The following PPM1B variants were observed in gnomAD, a reference collection of about 807,000 sequenced individuals.
PPM1B encodes the protein protein phosphatase 1B.
A neutral mutation model predicts 43.0 loss-of-function variants in PPM1B; 22 were observed. The observed-to-expected ratio is 0.51, with a 90% CI of 0.37 to 0.73. The LOEUF is 0.73. Among genes scored for constraint, PPM1B ranks in the 30% least tolerant of loss-of-function variants. The pLI is 0.00. For synonymous variants in PPM1B, 217 were observed against 197.9 expected (o/e 1.10, Z -0.81); for missense variants, 632 against 584.2 (o/e 1.08, Z -0.84).
At chr2:44,246,896 T>C (rs1327203786), downstream of PPM1B, among the ~76,000 whole-genome samples, 1 of 152,192 alleles carries the variant, frequency 6.6e-6, no homozygotes, top group Non-Finnish European at 1.5e-5. Context: ...TCTGTATGTA[T>C]GTTATACTTC....
Position 44,239,901 on chromosome 2 carries a change from T to TG in PPM1B, n.1547-4327_1547-4326insG, listed in dbSNP as rs544441326. ...GTTTTTTTGTTTTTGTTTTTGTTTTTTTTTTTTGTCTAACCCTGTGGAAAT... is the reference window on the plus strand; with the variant it reads ...GTTTTTTTGTTTTTGTTTTTGTTTTTGTTTTTTTGTCTAACCCTGTGGAAAT... On this transcript the variant is annotated intron_variant and non_coding_transcript_variant, in intron 5 of 5. Coordinates refer to the PPM1B transcript ENST00000378540. Among the ~76,000 whole-genome samples the TG allele has an allele frequency of 3.6e-3, 545 of 151,788 alleles. 7 individuals are homozygous for TG. In the Middle Eastern group the frequency reaches 0.037, roughly 10 times the overall value.
chr2:44,219,542 A>G (rs1181751139), intron 5 of PPM1B, among the ~76,000 whole-genome samples: 1 of 152,216 alleles, frequency 6.6e-6, no homozygotes, highest in African/African-American at 2.4e-5. Flanking sequence ...ATATAATTTT[A>G]GTGAGTCATA....
intron 1 of PPM1B, among the ~76,000 whole-genome samples, chr2:44,181,392 G>A (rs1667867741): frequency 6.6e-6 from 1 of 152,316 alleles, no homozygotes; most frequent in East Asian, 1.9e-4. Context: ...TTCTTGATAA[G>A]GGTGTAAAAA....
At chr2:44,189,141 G>T (rs1173349453) in intron 1 of PPM1B, among the ~76,000 whole-genome samples, 2 of 152,086 alleles carry the variant, frequency 1.3e-5, no homozygotes, top group East Asian at 3.9e-4. Context: ...CAAAGTGGTG[G>T]GATTACAGGT....
At chr2:44,204,228 T>A (rs1311447064) in intron 2 of PPM1B, among the ~76,000 whole-genome samples, 1 of 152,248 alleles carries the variant, frequency 6.6e-6, no homozygotes. Flanking sequence ...TTTAACTTCG[T>A]AATTTTGTCT....
At chr2:44,240,488 A>G (rs1670721396) in intron 5 of PPM1B, among the ~76,000 whole-genome samples, 1 of 145,386 alleles carries the variant, frequency 6.9e-6, no homozygotes, top group Non-Finnish European at 1.5e-5. Flanking sequence ...AGCAGAGAGT[A>G]GATTCTGTCT....
intron 1 of PPM1B, among the ~76,000 whole-genome samples, chr2:44,188,420 G>A (rs1668233584): frequency 7.0e-6 from 1 of 142,956 alleles, no homozygotes; most frequent in Non-Finnish European, 1.5e-5. Context: ...TTTTGAGACA[G>A]GGTCTTGCTT....
rs151300757 is a variant in PPM1B, at chr2:44,176,737, G to A, written c.-15+7463G>A. Among the ~76,000 whole-genome samples the A allele has an allele frequency of 1.3e-3, 205 of 152,238 alleles. 3 individuals carry two copies. The highest frequency in any genetic ancestry group is 4.6e-3 in the African/African-American group (193 of 41,558). On this transcript the variant is annotated intron_variant, in intron 1 of 5. Transcript: ENST00000282412. ...TTATTTTAATGCTTGGTGGTCTTGTGCTTTCATTTATGAGTCAGTTTCATT... is the reference window on the plus strand; with the variant it reads ...TTATTTTAATGCTTGGTGGTCTTGTACTTTCATTTATGAGTCAGTTTCATT...
At chr2:44,230,060 A>G (rs1377753671) in intron 5 of PPM1B, 11 of 1,557,330 alleles carry the variant, frequency 7.1e-6, no homozygotes, top group African/African-American at 1.4e-5. Context: ...TTAAACATTG[A>G]TTTTCTTTTG....
intron 3 of PPM1B, among the ~76,000 whole-genome samples, chr2:44,210,714 T>A (rs1047748935): frequency 1.3e-5 from 2 of 152,124 alleles, no homozygotes; most frequent in African/African-American, 4.8e-5. Flanking sequence ...TCTCCTCTTA[T>A]TCCCCTGCCC....
downstream of PPM1B, among the ~76,000 whole-genome samples, chr2:44,236,002 C>T (rs931810511): frequency 2.0e-5 from 3 of 152,024 alleles, no homozygotes; most frequent in Non-Finnish European, 4.4e-5. Context: ...AGCTGCTTCA[C>T]CGTTAGTTTA....
chr2:44,185,958 A>G (rs1405348692), intron 1 of PPM1B, among the ~76,000 whole-genome samples: 1 of 152,178 alleles, frequency 6.6e-6, no homozygotes, highest in African/African-American at 2.4e-5. Context: ...TTTAATTCTG[A>G]TGATACTAAG....
At chr2:44,196,099 C>A (rs1424457545) in intron 1 of PPM1B, among the ~76,000 whole-genome samples, 1 of 152,196 alleles carries the variant, frequency 6.6e-6, no homozygotes, top group East Asian at 1.9e-4. Context: ...AATACTGATA[C>A]ATTGTTAACT....
At chr2:44,228,052 A>G (rs1024181597) in intron 5 of PPM1B, among the ~76,000 whole-genome samples, 1 of 150,334 alleles carries the variant, frequency 6.7e-6, no homozygotes, top group Non-Finnish European at 1.5e-5. Context: ...CTCCCGGAGT[A>G]GCTGGGATTG....
rs75441440 is a variant in PPM1B, at chr2:44,229,515, A to T, written c.1135-898A>T. Among the ~76,000 whole-genome samples, 551 of 152,246 alleles carry T rather than the reference A, an allele frequency of 3.6e-3. 3 individuals carry two copies. The highest frequency in any genetic ancestry group is 0.013 in the African/African-American group (533 of 41,564). ...GCCAGTTTTTTACAATACGTCCTGC[A>T]TTCTGAATTCATATGATTGTTTTCT... On this transcript the variant is annotated intron_variant, in intron 5 of 5. Transcript: ENST00000282412.
chr2:44,199,647 C>T (rs911727807), intron 1 of PPM1B, among the ~76,000 whole-genome samples: 1 of 152,058 alleles, frequency 6.6e-6, no homozygotes, highest in Non-Finnish European at 1.5e-5. Context: ...AGAATTAAAC[C>T]AGCATGTTCA....
At chr2:44,235,603 CAAAAAAAAAA>C (rs60734033), downstream of PPM1B, among the ~76,000 whole-genome samples, 1 of 73,502 alleles carries the variant, frequency 1.4e-5, no homozygotes, top group Non-Finnish European at 2.6e-5. Context: ...AATTCCATCT[CAAAAAAAAAA>C]AAAAAAAAAA....
At chr2:44,192,664 A>G (rs776897272) in intron 1 of PPM1B, among the ~76,000 whole-genome samples, 1 of 152,212 alleles carries the variant, frequency 6.6e-6, no homozygotes, top group Admixed American at 6.5e-5. Flanking sequence ...CATAATTATT[A>G]TTTATTTCAC....
chr2:44,184,733 C>T (rs1668042467), intron 1 of PPM1B, among the ~76,000 whole-genome samples: 1 of 152,010 alleles, frequency 6.6e-6, no homozygotes, highest in African/African-American at 2.4e-5. Flanking sequence ...TAAGCTGGAG[C>T]CCACAGACCC....
Sources: allele counts gnomAD v4.1 joint callset (sites outside exome capture counted in the v4.1 genomes callset), GRCh38; gene constraint gnomAD v4.1.1; transcripts MANE v1.5; gene names NCBI Gene and HGNC (gene_info 2026-07-23, HGNC 2026-07-21).